PIK3C2B: variants seen among roughly 807,000 people sequenced by gnomAD.
The protein encoded by PIK3C2B is phosphatidylinositol-4-phosphate 3-kinase catalytic subunit type 2 beta.
In PIK3C2B, 83 loss-of-function variants were observed where a neutral mutation model predicts 184.3. The ratio of observed to expected loss-of-function variants is 0.45; its 90% CI spans 0.38 to 0.54. PIK3C2B has a LOEUF of 0.54. Ranked by LOEUF, PIK3C2B falls within the 20% of genes least tolerant of loss-of-function variation. The probability of loss-of-function intolerance (pLI) is 0.00; values close to 1 mark genes in which losing one functional copy is unlikely to be tolerated. For synonymous variants in PIK3C2B, 779 were observed against 837.6 expected (o/e 0.93, Z 1.21); for missense variants, 1,736 against 2,113.5 (o/e 0.82, Z 3.50).
At position 204,433,906 on chromosome 1, in the gene PIK3C2B, T is replaced by C. The variant is rs761567152; in HGVS notation, c.3730A>G (p.Ile1244Val). The C allele has an allele frequency of 6.2e-7, 1 of 1,614,056 alleles. No homozygotes were observed. The change falls in exon 25 of 33, where the codon ATC becomes GTC. Residue 1244 changes from isoleucine (I) to valine (V), a missense_variant. By Grantham distance (29) the Ile-to-Val change is conservative. Transcript: ENST00000684373. The surrounding 1 kb of genome is among the most constrained non-coding windows in gnomAD (Gnocchi z 5.0). ...CTGGAAGGCTTGTCACCCCCGTTGATGACATACGCCATGTCCGAGGTGAAG... is the reference window on the plus strand; with the variant it reads ...CTGGAAGGCTTGTCACCCCCGTTGACGACATACGCCATGTCCGAGGTGAAG... The part of the protein sequence containing the change: ...FVFTSDMAYV[I>V]NGGDKPSSRF...
intron 13 of PIK3C2B, 102 bp from the exon 14 acceptor site, chr1:204,449,398 T>C (rs1654161609): frequency 7.4e-6 from 6 of 815,170 alleles, no homozygotes; most frequent in Non-Finnish European, 1.2e-5. Flanking sequence ...TTTGAAGCCA[T>C]CATCCAACTC....
At chr1:204,482,513 G>A (rs1657249990) in intron 1 of PIK3C2B, among the ~76,000 whole-genome samples, 1 of 152,352 alleles carries the variant, frequency 6.6e-6, no homozygotes, top group South Asian at 2.1e-4. Context: ...TGAAGGCTGG[G>A]TGCAGTGGCT....
intron 16 of PIK3C2B, 28 bp downstream of exon 16, chr1:204,445,928 G>A (rs1419268798): frequency 5.5e-6 from 8 of 1,451,594 alleles, no homozygotes; most frequent in South Asian, 3.0e-5. Context: ...AGAACACATA[G>A]TCAGAAAAGG....
chr1:204,460,712 A>C (rs1655265399), intron 5 of PIK3C2B, 51 bp from the exon 6 acceptor site: 1 of 1,072,000 alleles, frequency 9.3e-7, no homozygotes, highest in Non-Finnish European at 1.5e-6. Context: ...CTCAGTGGCA[A>C]GGGAGATACA....
In PIK3C2B at chr1:204,431,759, TGA is replaced by T; in HGVS notation, c.4188_4189del (p.His1397ArgfsTer10). ...GGTCCGCTGGATGTAGGTGGCCTCG[TGA>T]GTGTTCTCTCGCATCACCTTTACCA... On this transcript the variant is annotated frameshift_variant, in exon 28 of 33. Coordinates refer to ENST00000684373, the MANE Select transcript of PIK3C2B (RefSeq NM_001377334.1). LOFTEE classifies it high-confidence loss of function. 6.2e-7 allele frequency: 1 copy of T among 1,614,200 alleles called. No homozygotes were observed. Among genetic ancestry groups the T allele is most frequent in the Non-Finnish European group, 8.5e-7 (1 of 1,180,026 alleles).
intron 23 of PIK3C2B, among the ~76,000 whole-genome samples, chr1:204,436,251 TG>T (rs1297671374): frequency 6.6e-6 from 1 of 152,194 alleles, no homozygotes; most frequent in African/African-American, 2.4e-5. Context: ...CCAGCATTGC[TG>T]GGGGTGGTGG....
At chr1:204,442,059 C>A (rs1233691013) in intron 20 of PIK3C2B, among the ~76,000 whole-genome samples, 3 of 152,158 alleles carry the variant, frequency 2.0e-5, no homozygotes, top group Non-Finnish European at 2.9e-5. Flanking sequence ...CAGAGAAAGA[C>A]ACCTGCCTAG....
rs1558233351 is a variant in PIK3C2B at position 204,433,191 on chromosome 1, G to A, written c.3953+125C>T. On this transcript the variant is annotated intron_variant, in intron 26 of 32. Coordinates refer to ENST00000684373, the MANE Select transcript of PIK3C2B (RefSeq NM_001377334.1). This position sits in a 1 kb window ranked among gnomAD's most constrained non-coding sequence, Gnocchi z 5.0. ...AAAGTTGGGACAATGTATCCACGTGGTCAGCTCTAGGCTCTAGCATCTGAG... is the reference window on the plus strand; with the variant it reads ...AAAGTTGGGACAATGTATCCACGTGATCAGCTCTAGGCTCTAGCATCTGAG... The A allele has an allele frequency of 3.4e-6, 2 of 581,690 alleles. No homozygotes were observed. The highest frequency in any genetic ancestry group is 6.2e-6 in the Non-Finnish European group (2 of 323,690). The allele number at this position is 581,690 out of a possible 1,614,324, so 36.0% of individuals were successfully genotyped here.
intron 18 of PIK3C2B, among the ~76,000 whole-genome samples, chr1:204,443,851 G>A (rs61763411): frequency 2.5e-3 from 376 of 152,298 alleles, no homozygotes; most frequent in East Asian, 0.019. Flanking sequence ...TTTCTGCCAT[G>A]TGTGGGTAGA....
At position 204,442,559 on chromosome 1, in the gene PIK3C2B, G is replaced by A; in HGVS notation, c.3123C>T (p.Ser1041=). The part of the protein sequence containing the change: ...ALNGSCRLPL[S]PSLLVKGIVP... ...CAATTCCCTTAACCAGCAGACTGGG[G>A]CTGAGTGGCAAGCGGCACGAGCCAT... is the stretch of plus-strand genomic sequence containing the variant. The change falls in exon 20 of 33, where the codon AGC becomes AGT. Residue 1041 remains serine (S), a synonymous_variant. Transcript: ENST00000684373. The A allele has an allele frequency of 6.4e-7, 1 of 1,555,444 alleles. No individual in the cohort carries two copies. Among genetic ancestry groups the A allele is most frequent in the Non-Finnish European group, 8.7e-7 (1 of 1,149,082 alleles).
chr1:204,445,169 T>A (rs1653740669), intron 16 of PIK3C2B, among the ~76,000 whole-genome samples: 1 of 151,692 alleles, frequency 6.6e-6, no homozygotes, highest in South Asian at 2.1e-4. Context: ...ACAGGTAAAC[T>A]TTGGGTATTT....
Position 204,424,326 on chromosome 1 carries a change from A to C in PIK3C2B, c.*526T>G. The C allele has an allele frequency of 4.8e-6, 1 of 208,552 alleles. No individual in the cohort carries two copies. The allele number at this position is 208,552 out of a possible 1,614,324, so 12.9% of individuals were successfully genotyped here. A position where few individuals can be genotyped will look rare whatever the true frequency, so the allele number is the denominator to read the frequency against. On this transcript the variant is annotated 3_prime_UTR_variant, in exon 33 of 33. Transcript: ENST00000684373. ...TCCTATAGCTAGAAAACGAAACAAC[A>C]ACAACAATAACAAAAAAAAAAAACC...
chr1:204,460,780 C>G, intron 5 of PIK3C2B, 119 bp from the exon 6 acceptor site: 1 of 678,262 alleles, frequency 1.5e-6, no homozygotes, highest in Non-Finnish European at 2.7e-6. Flanking sequence ...GGGTAGTACC[C>G]GTGTTGTACC....
chr1:204,428,067 T>G, intron 30 of PIK3C2B, 72 bp downstream of exon 30: 1 of 838,244 alleles, frequency 1.2e-6, no homozygotes, highest in Non-Finnish European at 2.0e-6. Flanking sequence ...TGAGAAGAGG[T>G]TGGGGCAGAA....
At chr1:204,431,286 A>G in intron 28 of PIK3C2B, 1 of 262,090 alleles carries the variant, frequency 3.8e-6, no homozygotes, top group Non-Finnish European at 7.5e-6. Context: ...AATGTCCTCA[A>G]GGTCCATCCA....
chr1:204,435,238 T>TA (rs1675278773), intron 23 of PIK3C2B: 1 of 152,178 alleles, frequency 6.6e-6, no homozygotes, highest in African/African-American at 2.4e-5. Context: ...TAAAATATGT[T>TA]AGAGATATTT....
chr1:204,459,564 G>A lies in PIK3C2B; in HGVS notation c.1566+314C>T, dbSNP rs1655151393. Among the ~76,000 whole-genome samples the A allele has an allele frequency of 2.6e-5, 4 of 152,322 alleles. No individual in the cohort carries two copies. In the South Asian group the frequency reaches 8.3e-4, roughly 32 times the overall value. ...GGATGCATGCTCCAGTGTACATCAA[G>A]TGCAGCAGCTGGGGGGTGACAGCTC... On this transcript the variant is annotated intron_variant, in intron 8 of 32. Transcript: ENST00000684373.
Position 204,449,938 on chromosome 1 carries a change from G to C in PIK3C2B, c.2146C>G (p.Pro716Ala), listed in dbSNP as rs368947026. The change falls in exon 13 of 33, where the codon CCA becomes GCA. Residue 716 changes from proline to alanine, a missense_variant. Physicochemically the swap from Pro to Ala is conservative, Grantham distance 27. Transcript: ENST00000684373. The part of the protein sequence containing the change: ...CATLYALPIP[P>A]PGSSSEANKQ... The stretch of plus-strand genomic sequence containing the variant: ...TTGGCCTCTGAGGAGCTCCCCGGTG[G>C]GGGGATGGGCAGAGCATAGAGAGTG... 3.7e-6 allele frequency: 6 copies of C among 1,612,648 alleles called. No homozygotes were observed. In the East Asian group the frequency reaches 8.9e-5, roughly 24 times the overall value.
chr1:204,431,596 T>C, intron 28 of PIK3C2B, 73 bp downstream of exon 28: 1 of 1,587,320 alleles, frequency 6.3e-7, no homozygotes, highest in Middle Eastern at 2.2e-4. Flanking sequence ...CCTGCAGCCC[T>C]GACCACCTCC....
Sources: gnomAD v4.1 joint callset for allele counts (sites outside exome capture counted in the v4.1 genomes callset) on GRCh38, gnomAD v4.1.1 for gene constraint, Gnocchi (gnomAD v3.1) non-coding constraint, MANE v1.5 for transcripts, NCBI Gene and HGNC (gene_info 2026-07-23, HGNC 2026-07-21) for gene names.